ARHGEF10L: variants seen among roughly 807,000 people sequenced by gnomAD.
ARHGEF10L encodes the protein Rho guanine nucleotide exchange factor 10 like, also known as rho guanine nucleotide exchange factor 10-like protein.
A neutral mutation model predicts 141.2 loss-of-function variants in ARHGEF10L; 69 were observed. The ratio of observed to expected loss-of-function variants is 0.49; its 90% confidence interval spans 0.40 to 0.60. The LOEUF (loss-of-function observed/expected upper bound fraction) is 0.60, where lower values mean the gene tolerates loss of function less well. ARHGEF10L is among the 20% of genes least tolerant of loss of function. ARHGEF10L has a pLI of 0.00. For synonymous variants in ARHGEF10L, 711 were observed against 718.5 expected (o/e 0.99, Z 0.17); for missense variants, 1,482 against 1,734.3 (o/e 0.85, Z 2.58).
chr1:17,599,506 C>T (rs774862514), intron 4 of ARHGEF10L, among the ~76,000 whole-genome samples: 3 of 152,148 alleles, frequency 2.0e-5, no homozygotes, highest in Admixed American at 6.5e-5. Context: ...CTGTTCCAGC[C>T]GGAAGAGTTT....
chr1:17,584,925 C>T (rs186492215), intron 2 of ARHGEF10L, among the ~76,000 whole-genome samples: 1 of 152,204 alleles, frequency 6.6e-6, no homozygotes, highest in African/African-American at 2.4e-5. Flanking sequence ...GTGTCAAAAC[C>T]AATATTGAAA....
chr1:17,591,827 C>T (rs1303129343), intron 4 of ARHGEF10L, among the ~76,000 whole-genome samples: 1 of 152,228 alleles, frequency 6.6e-6, no homozygotes, highest in Non-Finnish European at 1.5e-5. Context: ...GGATTACAGG[C>T]ATGAACCACT....
chr1:17,617,548 T>C (rs569401615), intron 9 of ARHGEF10L, among the ~76,000 whole-genome samples: 1 of 152,330 alleles, frequency 6.6e-6, no homozygotes, highest in East Asian at 1.9e-4. Flanking sequence ...CCCAGTACAG[T>C]GGGCTCACAG....
At chr1:17,662,372 C>T (rs2062684877) in intron 25 of ARHGEF10L, among the ~76,000 whole-genome samples, 1 of 152,202 alleles carries the variant, frequency 6.6e-6, no homozygotes, top group Admixed American at 6.5e-5. Flanking sequence ...GCGTGGTTAT[C>T]ATGCCCAGTG....
chr1:17,539,781 G>C lies in ARHGEF10L; in HGVS notation c.-213G>C, dbSNP rs1452961290. ...AGTCCCGGCGGGCCCGGACCTCGCGGGCGGGCGGGCGGCGCGGCCATTGGC... is the reference window on the plus strand; with the variant it reads ...AGTCCCGGCGGGCCCGGACCTCGCGCGCGGGCGGGCGGCGCGGCCATTGGC... On this transcript the variant is annotated 5_prime_UTR_variant, in exon 1 of 29. Coordinates refer to ENST00000361221, the MANE Select transcript of ARHGEF10L (RefSeq NM_018125.4). This position sits in a 1 kb window ranked among gnomAD's most constrained non-coding sequence, Gnocchi z 6.0. The C allele has an allele frequency of 6.8e-6, 1 of 146,620 alleles. No individual in the cohort carries two copies. Among genetic ancestry groups the C allele is most frequent in the Non-Finnish European group, 1.5e-5 (1 of 65,712 alleles). 9.1% of individuals were successfully genotyped at this position (146,620 alleles called of 1,614,324 possible).
At chr1:17,593,126 C>T (rs141483028) in intron 4 of ARHGEF10L, among the ~76,000 whole-genome samples, 1 of 152,320 alleles carries the variant, frequency 6.6e-6, no homozygotes, top group Non-Finnish European at 1.5e-5. Flanking sequence ...TGGCACATCT[C>T]TTCATGGTAT....
At chr1:17,658,411 T>C (rs2062408032) in intron 25 of ARHGEF10L, among the ~76,000 whole-genome samples, 3 of 152,022 alleles carry the variant, frequency 2.0e-5, no homozygotes, top group Admixed American at 6.5e-5. Context: ...ACTGGGACCA[T>C]TGAACCCCAC....
At chr1:17,578,549 TG>T (rs11307274) in intron 1 of ARHGEF10L, among the ~76,000 whole-genome samples, 105,876 of 151,964 alleles carry the variant, frequency 0.7, 37,833 homozygotes, top group South Asian at 0.79. Flanking sequence ...TAGCCAGGCA[TG>T]GTGGTGTGTG....
chr1:17,579,076 G>C (rs746579017), intron 1 of ARHGEF10L, among the ~76,000 whole-genome samples: 1 of 151,910 alleles, frequency 6.6e-6, no homozygotes. Flanking sequence ...ACTGGAGTGC[G>C]GTGGCACGGT....
chr1:17,571,226 C>T (rs547521904), intron 1 of ARHGEF10L, among the ~76,000 whole-genome samples: 2 of 152,104 alleles, frequency 1.3e-5, no homozygotes, highest in East Asian at 3.9e-4. Context: ...GGAGCTGGAG[C>T]GAGACGTGAA....
the ARHGEF10L span, among the ~76,000 whole-genome samples, chr1:17,526,001 C>CAA: frequency 1.8e-4 from 11 of 60,256 alleles, no homozygotes; most frequent in East Asian, 1.4e-3. Flanking sequence ...GACTCTGTCT[C>CAA]AAAAAAAAAA....
intron 6 of ARHGEF10L, among the ~76,000 whole-genome samples, chr1:17,606,812 G>A (rs1241550483): frequency 1.3e-5 from 2 of 152,210 alleles, no homozygotes; most frequent in Non-Finnish European, 2.9e-5. Flanking sequence ...CGGAGCTGGG[G>A]CTGGGACCCT....
Position 17,639,753 on chromosome 1 carries a change from C to T in ARHGEF10L, c.2172-449C>T. 1 of 910,068 alleles carries T rather than the reference C, an allele frequency of 1.1e-6. No individual in the cohort carries two copies. The highest frequency in any genetic ancestry group is 1.6e-6 in the Non-Finnish European group (1 of 642,078). The allele number at this position is 910,068 out of a possible 1,614,324, so 56.4% of individuals were successfully genotyped here. A position where few individuals can be genotyped will look rare whatever the true frequency, so the allele number is the denominator to read the frequency against. On this transcript the variant is annotated intron_variant, in intron 20 of 28. Transcript: ENST00000361221. The surrounding 1 kb of genome is among the most constrained non-coding windows in gnomAD (Gnocchi z 4.3). ...ATTTCTTCATTCATTCCTGTGTCCA[C>T]TCAGCAAACATTTACTGAGCAACTG...
chr1:17,556,105 G>T (rs2077301122), intron 1 of ARHGEF10L, among the ~76,000 whole-genome samples: 2 of 124,816 alleles, frequency 1.6e-5, no homozygotes, highest in Admixed American at 7.9e-5. Flanking sequence ...GGATGAGCCT[G>T]GGAGCATGGG....
At chr1:17,693,216 A>T (rs958446515) in intron 27 of ARHGEF10L, among the ~76,000 whole-genome samples, 1 of 152,362 alleles carries the variant, frequency 6.6e-6, no homozygotes, top group East Asian at 1.9e-4. Context: ...CGGAAGCCAC[A>T]TGTGGCTGAT....
rs1312280372 is a variant in ARHGEF10L, at chr1:17,640,277, G to A, written c.2247G>A (p.Arg749=). ...TGAGCAAGATTTCCTGGGTCAACAG[G>A]TTACATTTGGCCAAAATCGGACTCC... ...NPLSKISWVN[R]LHLAKIGLRE... The change falls in exon 21 of 29, where the codon AGG becomes AGA. Residue 749 remains arginine (R), a synonymous_variant. Transcript: ENST00000361221. 1.2e-6 allele frequency: 2 copies of A among 1,612,954 alleles called. No individual in the cohort carries two copies. The highest frequency in any genetic ancestry group is 1.7e-6 in the Non-Finnish European group (2 of 1,179,646).
In ARHGEF10L at chr1:17,619,407, G is replaced by C. The variant is rs2059984012; in HGVS notation, c.904G>C (p.Glu302Gln). The change falls in exon 10 of 29, where the codon GAG becomes CAG. Residue 302 changes from glutamate (E) to glutamine (Q), a missense_variant. This residue lies in a region of ARHGEF10L where 392 missense variants were observed against 542.1 expected (regional missense o/e 0.72). Transcript: ENST00000361221. This position sits in a 1 kb window ranked among gnomAD's most constrained non-coding sequence, Gnocchi z 5.0. ...SVSDIKPPAP[E>Q]LGPMPEGLSP... ...TTCGGACATCAAGCCCCCAGCCCCA[G>C]AGCTGGGCCCCATGCCAGAGGGCCT... 1 of 1,612,046 alleles carries C rather than the reference G, an allele frequency of 6.2e-7. No individual in the cohort carries two copies. The highest frequency in any genetic ancestry group is 8.5e-7 in the Non-Finnish European group (1 of 1,179,534).
intron 4 of ARHGEF10L, 113 bp from the exon 5 acceptor site, chr1:17,602,014 C>A: frequency 1.0e-6 from 1 of 953,016 alleles, no homozygotes; most frequent in Non-Finnish European, 1.5e-6. Flanking sequence ...TCCCCAGCAG[C>A]CTGGCCCTCA....
the ARHGEF10L span, among the ~76,000 whole-genome samples, chr1:17,515,412 G>C: frequency 8.6e-5 from 13 of 151,486 alleles, no homozygotes; most frequent in Admixed American, 2.0e-4. Flanking sequence ...TCCTGCCTCA[G>C]CCTCTGGAGT....
Sources: allele counts gnomAD v4.1 joint callset (sites outside exome capture counted in the v4.1 genomes callset), GRCh38; gene constraint gnomAD v4.1.1; regional missense constraint gnomAD v4.1.1; non-coding constraint Gnocchi (gnomAD v3.1); transcripts MANE v1.5; gene names NCBI Gene and HGNC (gene_info 2026-07-23, HGNC 2026-07-21).